Variants in SLC5A7 observed in about 807,000 individuals in gnomAD.
The protein encoded by SLC5A7 is high affinity choline transporter 1.
A neutral mutation model predicts 55.4 loss-of-function variants in SLC5A7; 19 were observed. The ratio of observed to expected loss-of-function variants is 0.34; its 90% CI spans 0.24 to 0.50. The LOEUF (loss-of-function observed/expected upper bound fraction) is 0.50. SLC5A7 is among the 20% of genes least tolerant of loss of function. The probability of loss-of-function intolerance (pLI) is 0.98; values close to 1 mark genes in which losing one functional copy is unlikely to be tolerated. For missense variants in SLC5A7, 506 were observed against 705.3 expected, an observed-to-expected ratio of 0.72 and a Z score of 3.20; for synonymous variants, 265 against 263.7, an observed-to-expected ratio of 1.00 and a Z score of -0.05.
Position 108,002,027 on chromosome 2 carries a change from G to GT in SLC5A7, c.732dup (p.Leu245SerfsTer167). The GT allele has an allele frequency of 6.2e-7, 1 of 1,613,966 alleles. No individual in the cohort carries two copies. The highest frequency in any genetic ancestry group is 8.5e-7 in the Non-Finnish European group (1 of 1,179,914). On this transcript the variant is annotated frameshift_variant, in exon 6 of 9. Transcript: ENST00000264047. LOFTEE classifies it high-confidence loss of function. ...TCTGAAGTCTACTCTTGGCTTGATA[G>GT]TTTTCTGTTGTTGGTAAGTAATGCT... is the stretch of plus-strand genomic sequence containing the variant.
chr2:107,997,350 A>G (rs1218752304), intron 4 of SLC5A7, among the ~76,000 whole-genome samples: 1 of 152,236 alleles, frequency 6.6e-6, no homozygotes, highest in Non-Finnish European at 1.5e-5. Context: ...GCAATAGGCC[A>G]TACCATGTAG....
intron 1 of SLC5A7, among the ~76,000 whole-genome samples, chr2:107,987,247 CA>C (rs1020949869): frequency 7.8e-4 from 118 of 152,212 alleles, no homozygotes; most frequent in African/African-American, 2.7e-3. Flanking sequence ...TAAAAGGGGA[CA>C]AGAATTTCAG....
At chr2:107,990,647 A>G (rs536830091) in intron 2 of SLC5A7, among the ~76,000 whole-genome samples, 1 of 152,294 alleles carries the variant, frequency 6.6e-6, no homozygotes, top group East Asian at 1.9e-4. Flanking sequence ...CTAAATACGT[A>G]TTTGTCTCCA....
At chr2:108,005,897 CATA>C in intron 6 of SLC5A7, 149 bp from the exon 7 acceptor site, 1 of 869,880 alleles carries the variant, frequency 1.1e-6, no homozygotes, top group Non-Finnish European at 1.7e-6. Flanking sequence ...TCATAGCAAA[CATA>C]ATGATACTAA....
rs796465797 is a variant in SLC5A7 at position 108,006,261 on chromosome 2, A to G, written c.895+59A>G. The G allele has an allele frequency of 1.7e-5, 27 of 1,591,160 alleles. No individual in the cohort carries two copies. The African/African-American group carries it at 3.5e-4, about 21-fold the overall frequency. ...TTAGTTTACCAATCCCCACCCAGAC[A>G]CCCTTCTGTCCCACTCCCCTCTTTC... On this transcript the variant is annotated intron_variant, in intron 7 of 8. Coordinates refer to ENST00000264047, the MANE Select transcript of SLC5A7 (RefSeq NM_021815.5).
In SLC5A7 at chr2:108,013,345, T is replaced by G. The variant is rs1210124831; in HGVS notation, c.*2484T>G. 3 of 152,104 alleles carry G rather than the reference T, an allele frequency of 2.0e-5. No individual in the cohort carries two copies. Among genetic ancestry groups the G allele is most frequent in the Non-Finnish European group, 2.9e-5 (2 of 68,000 alleles). The allele number at this position is 152,104 out of a possible 1,614,324, so 9.4% of individuals were successfully genotyped here. A position where few individuals can be genotyped will look rare whatever the true frequency, so the allele number is the denominator to read the frequency against. On this transcript the variant is annotated 3_prime_UTR_variant, in exon 9 of 9. Coordinates refer to ENST00000264047, the MANE Select transcript of SLC5A7 (RefSeq NM_021815.5). ...ATACAAAAGACTAGTTTGTTATTAA[T>G]CCACAAATATGCTAAATGTTAGCAA...
rs374527469 is a variant in SLC5A7 at position 108,010,504 on chromosome 2, C to T, written c.1386C>T (p.Tyr462=). The part of the protein sequence containing the change: ...PYLYLQPLIF[Y]PGYYPDDNGI... ...TGTATCTTCAGCCCTTGATCTTCTA[C>T]CCTGGCTATTACCCTGATGATAATG... Residue 462 remains tyrosine (Y), a synonymous_variant, in exon 9 of 9, where the codon TAC becomes TAT. Transcript: ENST00000264047. 13 of 1,613,792 alleles carry T rather than the reference C, an allele frequency of 8.1e-6. No homozygotes were observed. The highest frequency in any genetic ancestry group is 9.3e-6 in the Non-Finnish European group (11 of 1,179,912).
chr2:108,007,826 C>A lies in SLC5A7; in HGVS notation c.896-639C>A, dbSNP rs1441875471. Among the ~76,000 whole-genome samples the A allele has an allele frequency of 2.0e-5, 3 of 152,144 alleles. No individual in the cohort carries two copies. In the East Asian group the frequency reaches 5.8e-4, roughly 29 times the overall value. ...TTCTTCAACACATGCTACAACTAAC[C>A]AGTAAAGAAGCTATGTATTCAAAGA... is the stretch of plus-strand genomic sequence containing the variant. On this transcript the variant is annotated intron_variant, in intron 7 of 8. Transcript: ENST00000264047.
In SLC5A7 at chr2:108,010,822, C is replaced by T; in HGVS notation, c.1704C>T (p.Ser568=). Residue 568 remains serine, a synonymous_variant, in exon 9 of 9, where the codon TCC becomes TCT. Coordinates refer to ENST00000264047, the MANE Select transcript of SLC5A7 (RefSeq NM_021815.5). The stretch of plus-strand genomic sequence containing the variant: ...AAGAGGCCTTCCTTGATGTTGATTC[C>T]AGTCCAGAAGGGTCTGGGACTGAAG... ...TNKEAFLDVD[S]SPEGSGTEDN... 1 of 1,609,774 alleles carries T rather than the reference C, an allele frequency of 6.2e-7. No homozygotes were observed. Among genetic ancestry groups the T allele is most frequent in the South Asian group, 1.1e-5 (1 of 90,516 alleles).
intron 7 of SLC5A7, among the ~76,000 whole-genome samples, chr2:108,006,866 T>G (rs6720783): frequency 0.37 from 56,596 of 151,990 alleles, 10,952 homozygotes; most frequent in East Asian, 0.68. Context: ...TTGAGATTTC[T>G]GCTTTACACC....
intron 2 of SLC5A7, among the ~76,000 whole-genome samples, chr2:107,988,726 C>A (rs1677337886): frequency 6.6e-6 from 1 of 151,606 alleles, no homozygotes; most frequent in Non-Finnish European, 1.5e-5. Context: ...TCCGGTAATA[C>A]ATGCATAAAG....
chr2:108,010,743 T>G lies in SLC5A7; in HGVS notation c.1625T>G (p.Leu542Arg). The change falls in exon 9 of 9, where the codon CTT becomes CGT. Residue 542 changes from leucine to arginine, a missense_variant. Coordinates refer to ENST00000264047, the MANE Select transcript of SLC5A7 (RefSeq NM_021815.5). ...VKNENIKLDE[L>R]ALVKPRQSMT... Reference sequence around the variant, plus strand: ...AATGAAAATATTAAATTAGATGAACTTGCACTTGTGAAGCCACGACAGAGC... The same window carrying G: ...AATGAAAATATTAAATTAGATGAACGTGCACTTGTGAAGCCACGACAGAGC... The G allele has an allele frequency of 6.2e-7, 1 of 1,613,702 alleles. No homozygotes were observed. The highest frequency in any genetic ancestry group is 8.5e-7 in the Non-Finnish European group (1 of 1,179,846).
intron 7 of SLC5A7, 132 bp downstream of exon 7, chr2:108,006,334 T>C (rs1678122132): frequency 1.9e-6 from 2 of 1,053,020 alleles, no homozygotes; most frequent in East Asian, 4.9e-5. Flanking sequence ...TATAGATTTG[T>C]TATAGCATTC....
rs527409715 is a variant in SLC5A7, at chr2:108,000,714, C to T, written c.598-1183C>T. ...GGTTTAAGCAATCCTCCCACCTCAG[C>T]CTCCTGAGTAGCTGGGACTACGGGT... On this transcript the variant is annotated intron_variant, in intron 5 of 8. Coordinates refer to ENST00000264047, the MANE Select transcript of SLC5A7 (RefSeq NM_021815.5). Among the ~76,000 whole-genome samples the T allele has an allele frequency of 2.6e-5, 4 of 152,166 alleles. No homozygotes were observed. In the South Asian group the frequency reaches 8.3e-4, roughly 32 times the overall value.
chr2:107,993,128 G>C lies in SLC5A7; in HGVS notation c.448+1G>C. The C allele has an allele frequency of 6.2e-7, 1 of 1,614,116 alleles. No individual in the cohort carries two copies. The highest frequency in any genetic ancestry group is 1.6e-4 in the Middle Eastern group (1 of 6,062). ...GCTGCAGCAATTTTCTCTGCTTTGGGTAAGGACCAGCTAAGTTGTCTAGCT... is the reference window on the plus strand; with the variant it reads ...GCTGCAGCAATTTTCTCTGCTTTGGCTAAGGACCAGCTAAGTTGTCTAGCT... On this transcript the variant is annotated splice_donor_variant, in intron 4 of 8. Transcript: ENST00000264047. LOFTEE classifies it high-confidence loss of function.
chr2:108,004,020 A>G (rs1678014866), intron 6 of SLC5A7, among the ~76,000 whole-genome samples: 1 of 152,154 alleles, frequency 6.6e-6, no homozygotes, highest in African/African-American at 2.4e-5. Context: ...CCCTAATCCC[A>G]TAATGAGGGC....
intron 1 of SLC5A7, among the ~76,000 whole-genome samples, chr2:107,987,793 A>G (rs909278765): frequency 6.6e-6 from 1 of 152,234 alleles, no homozygotes; most frequent in African/African-American, 2.4e-5. Context: ...CTGAGTTAAG[A>G]TATACACGAC....
intron 4 of SLC5A7, among the ~76,000 whole-genome samples, chr2:107,995,392 A>G (rs1327211737): frequency 1.3e-5 from 2 of 152,132 alleles, no homozygotes; most frequent in Non-Finnish European, 2.9e-5. Flanking sequence ...AAACACTCAC[A>G]TATATCAAAC....
At chr2:107,994,313 G>A (rs1352407028) in intron 4 of SLC5A7, among the ~76,000 whole-genome samples, 2 of 152,230 alleles carry the variant, frequency 1.3e-5, no homozygotes, top group Non-Finnish European at 2.9e-5. Context: ...GCCGGGCGCG[G>A]TGGCTCACGC....
Sources: allele counts gnomAD v4.1 joint callset (sites outside exome capture counted in the v4.1 genomes callset), GRCh38; gene constraint gnomAD v4.1.1; transcripts MANE v1.5; gene names NCBI Gene and HGNC (gene_info 2026-07-23, HGNC 2026-07-21).